The following WWOX variants were observed in gnomAD, a reference collection of about 807,000 sequenced individuals.
WWOX encodes the protein WW domain containing oxidoreductase.
Under a neutral mutation model 46.2 loss-of-function variants are expected in WWOX, and 69 were observed. That is an observed-to-expected ratio of 1.49 (90% CI 1.23 to 1.82). The LOEUF is 1.82. Among genes scored for constraint, WWOX ranks in the 40% most tolerant of loss-of-function variants. The probability of loss-of-function intolerance (pLI) is 0.00; values close to 1 mark genes in which losing one functional copy is unlikely to be tolerated. For synonymous variants in WWOX, 359 were observed against 202.6 expected, an observed-to-expected ratio of 1.77 and a Z score of -6.56; for missense variants, 919 against 542.6, an observed-to-expected ratio of 1.69 and a Z score of -6.89.
intron 8 of WWOX, among the ~76,000 whole-genome samples, chr16:78,528,360 C>T (rs1047118569): frequency 5.9e-5 from 9 of 151,670 alleles, no homozygotes; most frequent in Admixed American, 1.3e-4. Context: ...ACCTCCTGTA[C>T]TATGAGTAAT....
chr16:78,883,810 G>A (rs145290421), intron 8 of WWOX, among the ~76,000 whole-genome samples: 189 of 152,058 alleles, frequency 1.2e-3, no homozygotes, highest in African/African-American at 3.8e-3. Flanking sequence ...AATAAACAGC[G>A]TGGAGGAACT....
chr16:78,691,765 G>T (rs1460061852), intron 8 of WWOX, among the ~76,000 whole-genome samples: 1 of 152,138 alleles, frequency 6.6e-6, no homozygotes, highest in Non-Finnish European at 1.5e-5. Flanking sequence ...ATCCCTGTAG[G>T]AGAGAGTTAC....
At chr16:78,178,053 C>G (rs1182110664) in intron 5 of WWOX, among the ~76,000 whole-genome samples, 1 of 152,170 alleles carries the variant, frequency 6.6e-6, no homozygotes, top group Non-Finnish European at 1.5e-5. Flanking sequence ...TACTTATCTG[C>G]AACCCTGTGT....
At chr16:79,010,400 G>A (rs1047737912) in intron 8 of WWOX, among the ~76,000 whole-genome samples, 11 of 152,054 alleles carry the variant, frequency 7.2e-5, no homozygotes, top group Non-Finnish European at 4.4e-5. Flanking sequence ...GGACTCAAAG[G>A]ACCTATGTTT....
At chr16:78,699,146 A>C (rs968540473) in intron 8 of WWOX, among the ~76,000 whole-genome samples, 3 of 152,266 alleles carry the variant, frequency 2.0e-5, no homozygotes, top group East Asian at 1.9e-4. Flanking sequence ...TTCCAGTAAA[A>C]CTTTATTTAT....
chr16:78,129,214 G>A (rs557228966), intron 4 of WWOX, among the ~76,000 whole-genome samples: 4 of 152,252 alleles, frequency 2.6e-5, no homozygotes, highest in Admixed American at 6.5e-5. Context: ...GGAGGGATTT[G>A]GGAAAGCTAG....
intron 4 of WWOX, among the ~76,000 whole-genome samples, chr16:78,132,144 C>A (rs1344835160): frequency 6.6e-6 from 1 of 151,524 alleles, no homozygotes; most frequent in Non-Finnish European, 1.5e-5. Flanking sequence ...CCTGCCTCAG[C>A]CTCCCGAGTA....
At chr16:78,328,111 T>C (rs2080670711) in intron 5 of WWOX, among the ~76,000 whole-genome samples, 1 of 152,058 alleles carries the variant, frequency 6.6e-6, no homozygotes, top group African/African-American at 2.4e-5. Context: ...TGGCCTCATG[T>C]GATTGCCCCA....
At chr16:78,569,035 C>T (rs550025162) in intron 8 of WWOX, among the ~76,000 whole-genome samples, 4 of 152,196 alleles carry the variant, frequency 2.6e-5, no homozygotes, top group Non-Finnish European at 5.9e-5. Flanking sequence ...AGATTGGAGG[C>T]ACCTGGGTGT....
At chr16:79,057,972 C>G (rs1022609822) in intron 8 of WWOX, among the ~76,000 whole-genome samples, 2 of 152,120 alleles carry the variant, frequency 1.3e-5, no homozygotes, top group African/African-American at 4.8e-5. Flanking sequence ...TGCTTCTTCT[C>G]GGGCTCTTAT....
At chr16:79,207,244 GC>G (rs1369754245) in intron 8 of WWOX, among the ~76,000 whole-genome samples, 1 of 152,220 alleles carries the variant, frequency 6.6e-6, no homozygotes, top group Non-Finnish European at 1.5e-5. Context: ...GGATAAGGTG[GC>G]TGGCTTTGCA....
chr16:79,080,659 G>A (rs1035748888), intron 8 of WWOX, among the ~76,000 whole-genome samples: 41 of 152,042 alleles, frequency 2.7e-4, no homozygotes, highest in African/African-American at 7.2e-4. Flanking sequence ...ATCCGGCATC[G>A]GGGTCTTGTT....
In WWOX at chr16:78,344,288, G is replaced by A. The variant is rs1279611806; in HGVS notation, c.517-42572G>A. On this transcript the variant is annotated intron_variant, in intron 5 of 8. Coordinates refer to ENST00000566780, the MANE Select transcript of WWOX (RefSeq NM_016373.4). ...TAAGCATTTCTTTGTGGTCTGGTAA[G>A]TGATAGCACCCATTGCTTAATTTCT... 1.7e-5 allele frequency among the ~76,000 whole-genome samples: 2 copies of A among 120,584 alleles called. 1 individual carries two copies. The highest frequency in any genetic ancestry group is 4.0e-5 in the Non-Finnish European group (2 of 50,588). The allele number at this position is 120,584 out of a possible 152,430, so 79.1% of individuals were successfully genotyped here.
intron 8 of WWOX, among the ~76,000 whole-genome samples, chr16:79,120,186 G>C (rs1303389511): frequency 6.6e-6 from 1 of 152,192 alleles, no homozygotes; most frequent in Non-Finnish European, 1.5e-5. Flanking sequence ...GTGAGGCCAG[G>C]GGGCTCAGTT....
chr16:78,149,299 G>C (rs1396003747), intron 4 of WWOX, among the ~76,000 whole-genome samples: 2 of 152,140 alleles, frequency 1.3e-5, no homozygotes, highest in Admixed American at 1.3e-4. Flanking sequence ...TATAGAAGTG[G>C]GGTTAAATTA....
intron 8 of WWOX, among the ~76,000 whole-genome samples, chr16:78,917,053 C>G (rs959071585): frequency 6.6e-6 from 1 of 152,166 alleles, no homozygotes; most frequent in Non-Finnish European, 1.5e-5. Flanking sequence ...GTTGACTCTT[C>G]TAAACCACAT....
chr16:78,500,674 G>A (rs1462836227), intron 8 of WWOX, among the ~76,000 whole-genome samples: 1 of 152,178 alleles, frequency 6.6e-6, no homozygotes, highest in Non-Finnish European at 1.5e-5. Flanking sequence ...GTTATTCCAA[G>A]CAGTCTTCCA....
intron 8 of WWOX, among the ~76,000 whole-genome samples, chr16:78,580,668 G>C (rs1481859391): frequency 6.6e-6 from 1 of 152,152 alleles, no homozygotes; most frequent in African/African-American, 2.4e-5. Flanking sequence ...ACACTATCTT[G>C]TTTGCAGAGT....
intron 8 of WWOX, among the ~76,000 whole-genome samples, chr16:78,497,696 T>G (rs955312964): frequency 1.3e-5 from 2 of 152,216 alleles, no homozygotes; most frequent in African/African-American, 4.8e-5. Flanking sequence ...GTCTAATCAC[T>G]CTTCATGATT....
Sources: gnomAD v4.1 joint callset for allele counts (sites outside exome capture counted in the v4.1 genomes callset) on GRCh38, gnomAD v4.1.1 for gene constraint, MANE v1.5 for transcripts, NCBI Gene and HGNC (gene_info 2026-07-23, HGNC 2026-07-21) for gene names.